PDE8B: variants seen among roughly 807,000 people sequenced by gnomAD.
PDE8B encodes phosphodiesterase 8B.
In PDE8B, 26 loss-of-function variants were observed where a neutral mutation model predicts 101.3. The ratio of observed to expected loss-of-function variants is 0.26; its 90% CI spans 0.19 to 0.36. The LOEUF (loss-of-function observed/expected upper bound fraction) is 0.36. Ranked by LOEUF, PDE8B falls within the 10% of genes least tolerant of loss-of-function variation. The probability of loss-of-function intolerance (pLI) is 1.00; values close to 1 mark genes in which losing one functional copy is unlikely to be tolerated. For synonymous variants in PDE8B, 424 were observed against 429.3 expected (o/e 0.99, Z 0.15); for missense variants, 810 against 1,163.1 (o/e 0.70, Z 4.42).
intron 10 of PDE8B, among the ~76,000 whole-genome samples, chr5:77,373,566 G>A (rs1342649639): frequency 2.0e-5 from 3 of 151,928 alleles, no homozygotes; most frequent in South Asian, 2.1e-4. Context: ...CCATTTTCTC[G>A]GGTTTTATGT....
At chr5:77,304,855 A>G (rs965297484) in intron 1 of PDE8B, among the ~76,000 whole-genome samples, 37 of 152,230 alleles carry the variant, frequency 2.4e-4, no homozygotes, top group African/African-American at 8.4e-4. Context: ...TCATGCCAAC[A>G]TTATAATCTT....
the PDE8B span, chr5:77,147,930 T>C: frequency 6.6e-6 from 1 of 152,110 alleles, no homozygotes; most frequent in African/African-American, 2.4e-5. Flanking sequence ...AGTCCTTCAT[T>C]ATGGAGCTAA....
At chr5:77,122,742 C>G in the PDE8B span, among the ~76,000 whole-genome samples, 2 of 152,178 alleles carry the variant, frequency 1.3e-5, no homozygotes, top group Non-Finnish European at 2.9e-5. Context: ...AAATCCTTTT[C>G]AAAAACTTCT....
the PDE8B span, among the ~76,000 whole-genome samples, chr5:77,124,202 T>G: frequency 6.6e-6 from 1 of 151,996 alleles, no homozygotes; most frequent in Non-Finnish European, 1.5e-5. Context: ...AAAGAAAATA[T>G]GAAGAACAGT....
At chr5:77,234,951 C>T (rs759034711) in intron 1 of PDE8B, among the ~76,000 whole-genome samples, 3 of 152,174 alleles carry the variant, frequency 2.0e-5, no homozygotes, top group South Asian at 4.1e-4. Flanking sequence ...CCTGACACTT[C>T]GTAAATGCCT....
the PDE8B span, among the ~76,000 whole-genome samples, chr5:77,108,569 GC>G: frequency 1.3e-5 from 2 of 152,148 alleles, no homozygotes; most frequent in Non-Finnish European, 1.5e-5. Flanking sequence ...TCTAGTCCCA[GC>G]TATTTAGGAG....
the PDE8B span, among the ~76,000 whole-genome samples, chr5:77,183,364 C>A: frequency 1.3e-5 from 2 of 152,074 alleles, no homozygotes; most frequent in Admixed American, 1.3e-4. Flanking sequence ...ATGATCCACC[C>A]GCCTCGGCCT....
chr5:77,322,478 A>G (rs1775280913), intron 2 of PDE8B, among the ~76,000 whole-genome samples: 1 of 152,178 alleles, frequency 6.6e-6, no homozygotes, highest in Admixed American at 6.5e-5. Context: ...ATCATGGTCT[A>G]GCCCTCTGCC....
the PDE8B span, among the ~76,000 whole-genome samples, chr5:77,109,927 GTTTTTTTTTTT>G: frequency 4.0e-3 from 272 of 67,262 alleles, 1 homozygote; most frequent in Non-Finnish European, 5.4e-3. Context: ...TTGTATTTCA[GTTTTTTTTTTT>G]TTTTTTTTTT....
the PDE8B span, among the ~76,000 whole-genome samples, chr5:77,168,387 C>T: frequency 2.0e-5 from 3 of 152,328 alleles, no homozygotes; most frequent in South Asian, 2.1e-4. Flanking sequence ...CACAGAGCCT[C>T]GGCTGCCGTC....
the PDE8B span, among the ~76,000 whole-genome samples, chr5:77,158,870 C>T: frequency 2.0e-5 from 3 of 152,320 alleles, no homozygotes; most frequent in Admixed American, 1.3e-4. Flanking sequence ...ACAAGCAACA[C>T]ATGAGACTCA....
At chr5:77,384,047 G>A (rs1443015486) in intron 10 of PDE8B, among the ~76,000 whole-genome samples, 1 of 152,134 alleles carries the variant, frequency 6.6e-6, no homozygotes, top group Admixed American at 6.5e-5. Flanking sequence ...GATGGGAATA[G>A]CATTGAATCT....
rs1260369287 is a variant in PDE8B, at chr5:77,421,897, T to C, written c.2327T>C (p.Met776Thr). Residue 776 changes from methionine to threonine, a missense_variant, in exon 20 of 22, where the codon ATG (methionine) becomes ACG (threonine). By Grantham distance (81) the Met-to-Thr change is moderately conservative. Transcript: ENST00000264917. ...AACCAAATCCTGATCAAACGCATGA[T>C]GATTAAGTGTGCTGACGTGGCCAAC... ...PENQILIKRM[M>T]IKCADVANPC... 3.7e-6 allele frequency: 6 copies of C among 1,613,986 alleles called. No homozygotes were observed. Among genetic ancestry groups the C allele is most frequent in the Non-Finnish European group, 5.1e-6 (6 of 1,179,998 alleles).
rs926261234 is a variant in PDE8B, at chr5:77,389,252, G to A, written c.1168-10996G>A. The stretch of plus-strand genomic sequence containing the variant: ...GCGGATTGCAAAGACTGTGGGAAGA[G>A]TGCTGTATCTGGGCCGGAATGTACC... On this transcript the variant is annotated intron_variant, in intron 10 of 21. Coordinates refer to ENST00000264917, the MANE Select transcript of PDE8B (RefSeq NM_003719.5). 2.0e-5 allele frequency among the ~76,000 whole-genome samples: 3 copies of A among 152,198 alleles called. 1 individual carries two copies. Among genetic ancestry groups the A allele is most frequent in the Non-Finnish European group, 2.9e-5 (2 of 68,030 alleles).
chr5:77,421,706 C>G (rs57912585), intron 19 of PDE8B, 115 bp from the exon 20 acceptor site: 34,082 of 929,994 alleles, frequency 0.037, 896 homozygotes, highest in African/African-American at 0.12. Flanking sequence ...CTGCCTTCGC[C>G]GAGTCCCAGT....
At chr5:77,134,821 TA>T in the PDE8B span, among the ~76,000 whole-genome samples, 1 of 152,194 alleles carries the variant, frequency 6.6e-6, no homozygotes, top group Non-Finnish European at 1.5e-5. Flanking sequence ...CTGGCGGCAC[TA>T]GGGGCTATAG....
At chr5:77,232,601 G>GTGA (rs1753799169) in intron 1 of PDE8B, among the ~76,000 whole-genome samples, 1 of 152,212 alleles carries the variant, frequency 6.6e-6, no homozygotes, top group East Asian at 1.9e-4. Flanking sequence ...GCACACATTA[G>GTGA]TGAAATATAC....
the PDE8B span, among the ~76,000 whole-genome samples, chr5:77,195,395 A>T: frequency 6.6e-6 from 1 of 152,078 alleles, no homozygotes; most frequent in Admixed American, 6.5e-5. Context: ...GCATTCTACC[A>T]TTTTACTTTC....
At chr5:77,195,059 A>G in the PDE8B span, among the ~76,000 whole-genome samples, 12 of 152,218 alleles carry the variant, frequency 7.9e-5, no homozygotes, top group Admixed American at 5.9e-4. Flanking sequence ...CTGCTATAAC[A>G]GAATACCTGA....
Sources: allele counts gnomAD v4.1 joint callset (sites outside exome capture counted in the v4.1 genomes callset), GRCh38; gene constraint gnomAD v4.1.1; transcripts MANE v1.5; gene names NCBI Gene and HGNC (gene_info 2026-07-23, HGNC 2026-07-21).